MAGI2: variants seen among roughly 807,000 people sequenced by gnomAD.
MAGI2 encodes the protein membrane-associated guanylate kinase, WW and PDZ domain-containing protein 2.
In MAGI2, 35 loss-of-function variants were observed where a neutral mutation model predicts 133.3. That is an observed-to-expected ratio of 0.26 (90% CI 0.20 to 0.35). The LOEUF is 0.35. MAGI2 is among the 10% of genes least tolerant of loss of function. The pLI is 1.00. For synonymous variants in MAGI2, 729 were observed against 710.6 expected (o/e 1.03, Z -0.41); for missense variants, 1,636 against 1,863.4 (o/e 0.88, Z 2.25).
At chr7:78,202,029 C>T (rs1340299559) in intron 10 of MAGI2, among the ~76,000 whole-genome samples, 1 of 152,102 alleles carries the variant, frequency 6.6e-6, no homozygotes, top group East Asian at 1.9e-4. Flanking sequence ...AGGGCACTGC[C>T]ACATGCTGAT....
chr7:78,270,654 G>T (rs1794473234), intron 9 of MAGI2, among the ~76,000 whole-genome samples: 1 of 152,094 alleles, frequency 6.6e-6, no homozygotes, highest in Non-Finnish European at 1.5e-5. Context: ...AGCTTAAGGA[G>T]ATTTGGGGCT....
chr7:78,693,542 C>T (rs937151238), intron 2 of MAGI2, among the ~76,000 whole-genome samples: 17 of 152,148 alleles, frequency 1.1e-4, no homozygotes, highest in Admixed American at 2.6e-4. Context: ...TTCCTGTCTA[C>T]AGATATTTTC....
intron 2 of MAGI2, among the ~76,000 whole-genome samples, chr7:78,986,375 C>T (rs1318483555): frequency 6.6e-6 from 1 of 151,998 alleles, no homozygotes; most frequent in Non-Finnish European, 1.5e-5. Flanking sequence ...CAACACAAAA[C>T]CTTCTAAACT....
At chr7:79,277,799 A>C (rs1835343597) in intron 1 of MAGI2, among the ~76,000 whole-genome samples, 1 of 152,070 alleles carries the variant, frequency 6.6e-6, no homozygotes. Context: ...TTGAGATGTA[A>C]ATCTTCTACA....
intron 20 of MAGI2, among the ~76,000 whole-genome samples, chr7:78,092,349 C>T (rs1426005173): frequency 6.6e-6 from 1 of 152,170 alleles, no homozygotes; most frequent in Admixed American, 6.5e-5. Context: ...GAAAGAGTAG[C>T]AGTGCATCAC....
At chr7:78,242,187 C>T (rs867103777) in intron 10 of MAGI2, among the ~76,000 whole-genome samples, 1 of 152,190 alleles carries the variant, frequency 6.6e-6, no homozygotes, top group African/African-American at 2.4e-5. Context: ...AAGTGAGGTA[C>T]ACCACCCCTT....
chr7:78,826,332 G>C (rs1237492017), intron 2 of MAGI2, among the ~76,000 whole-genome samples: 16 of 140,136 alleles, frequency 1.1e-4, no homozygotes, highest in African/African-American at 4.3e-4. Context: ...CAGCCTAGGC[G>C]ACAGAGTGAG....
intron 6 of MAGI2, among the ~76,000 whole-genome samples, chr7:78,370,694 C>T (rs1793831714): frequency 6.6e-6 from 1 of 151,858 alleles, no homozygotes; most frequent in Non-Finnish European, 1.5e-5. Flanking sequence ...AATACAGATC[C>T]ACAATTCCTC....
At chr7:78,496,618 G>A (rs990326790) in intron 5 of MAGI2, among the ~76,000 whole-genome samples, 1 of 152,138 alleles carries the variant, frequency 6.6e-6, no homozygotes, top group African/African-American at 2.4e-5. Flanking sequence ...TTCTATTGGA[G>A]GTAGTATGAG....
chr7:79,370,254 G>T, intron 1 of MAGI2, among the ~76,000 whole-genome samples: 1 of 152,076 alleles, frequency 6.6e-6, no homozygotes, highest in East Asian at 1.9e-4. Context: ...TTTACCACTA[G>T]CATTTTCTCA....
At chr7:78,304,630 G>A (rs141371133) in intron 9 of MAGI2, among the ~76,000 whole-genome samples, 3 of 152,212 alleles carry the variant, frequency 2.0e-5, no homozygotes, top group African/African-American at 7.2e-5. Flanking sequence ...TTGTTTCATG[G>A]TGCTTACTTT....
At chr7:78,665,190 T>G (rs899951162) in intron 2 of MAGI2, among the ~76,000 whole-genome samples, 2 of 152,090 alleles carry the variant, frequency 1.3e-5, no homozygotes, top group African/African-American at 4.8e-5. Flanking sequence ...CTACCTACGA[T>G]TATAAGTAGT....
At chr7:78,374,559 A>C (rs1004834710) in intron 6 of MAGI2, among the ~76,000 whole-genome samples, 1 of 151,958 alleles carries the variant, frequency 6.6e-6, no homozygotes, top group African/African-American at 2.4e-5. Context: ...CTTTAGTTTA[A>C]CTGGGTCCCA....
chr7:79,160,438 G>T (rs1250016000), intron 1 of MAGI2, among the ~76,000 whole-genome samples: 1 of 151,818 alleles, frequency 6.6e-6, no homozygotes, highest in African/African-American at 2.4e-5. Context: ...AAAACCAAAT[G>T]GTATAATATA....
At chr7:79,292,835 C>T (rs945139502) in intron 1 of MAGI2, among the ~76,000 whole-genome samples, 1 of 135,838 alleles carries the variant, frequency 7.4e-6, no homozygotes, top group African/African-American at 2.7e-5. Flanking sequence ...ATAGGGATTG[C>T]CCTGAGTCTG....
intron 2 of MAGI2, among the ~76,000 whole-genome samples, chr7:78,788,047 A>G (rs1426638998): frequency 3.3e-5 from 5 of 152,142 alleles, no homozygotes; most frequent in Non-Finnish European, 7.3e-5. Context: ...TGTGATGCCA[A>G]GGCACAGACA....
At chr7:78,115,629 G>A (rs1291711627) in intron 20 of MAGI2, among the ~76,000 whole-genome samples, 1 of 48,108 alleles carries the variant, frequency 2.1e-5, no homozygotes, top group Non-Finnish European at 5.8e-5. Context: ...GATTCACCTG[G>A]AAAATAAAAG....
intron 2 of MAGI2, among the ~76,000 whole-genome samples, chr7:78,705,239 G>C (rs1273461801): frequency 6.6e-6 from 1 of 152,006 alleles, no homozygotes; most frequent in Admixed American, 6.6e-5. Flanking sequence ...GATAGTGAGT[G>C]AGTTCTCACA....
At chr7:79,128,387 G>T (rs909355739) in intron 1 of MAGI2, among the ~76,000 whole-genome samples, 6 of 152,108 alleles carry the variant, frequency 3.9e-5, no homozygotes, top group African/African-American at 1.4e-4. Context: ...TTTGCCACAA[G>T]ATATACTGCT....
Sources: allele counts gnomAD v4.1 joint callset (sites outside exome capture counted in the v4.1 genomes callset), GRCh38; gene constraint gnomAD v4.1.1; transcripts MANE v1.5; gene names NCBI Gene and HGNC (gene_info 2026-07-23, HGNC 2026-07-21).